Variants in IQCK observed in about 807,000 individuals in gnomAD.
IQCK encodes IQ domain-containing protein K.
A neutral mutation model predicts 28.1 loss-of-function variants in IQCK; 29 were observed. That is an observed-to-expected ratio of 1.03 (90% CI 0.77 to 1.41). The LOEUF is 1.41. Among genes scored for constraint, IQCK ranks in the 40% most tolerant of loss-of-function variants. The probability of loss-of-function intolerance (pLI) is 0.00; values close to 1 mark genes in which losing one functional copy is unlikely to be tolerated. For synonymous variants in IQCK, 113 were observed against 115.1 expected, an observed-to-expected ratio of 0.98 and a Z score of 0.12; for missense variants, 359 against 314.7, an observed-to-expected ratio of 1.14 and a Z score of -1.07.
intron 1 of IQCK, among the ~76,000 whole-genome samples, chr16:19,722,622 A>G (rs551300092): frequency 3.3e-5 from 5 of 152,186 alleles, no homozygotes; most frequent in Non-Finnish European, 7.4e-5. Context: ...ATGCTGGGCC[A>G]GGTATAACTG....
chr16:19,831,537 G>C (rs151012782), downstream of IQCK, among the ~76,000 whole-genome samples: 2 of 152,116 alleles, frequency 1.3e-5, no homozygotes, highest in East Asian at 1.9e-4. Flanking sequence ...ACCTCAATTA[G>C]ACCTCAAAGG....
At chr16:19,846,483 C>A (rs997689305) in intron 9 of IQCK, among the ~76,000 whole-genome samples, 1 of 152,170 alleles carries the variant, frequency 6.6e-6, no homozygotes, top group Non-Finnish European at 1.5e-5. Context: ...TCAATATAAC[C>A]AATGTTGCCA....
intron 4 of IQCK, among the ~76,000 whole-genome samples, chr16:19,756,764 G>A (rs1465783061): frequency 6.6e-6 from 1 of 152,052 alleles, no homozygotes; most frequent in Non-Finnish European, 1.5e-5. Context: ...GGGCGTGGTG[G>A]CATATGCCTG....
At chr16:19,773,171 A>G (rs988352051) in intron 6 of IQCK, among the ~76,000 whole-genome samples, 2 of 152,058 alleles carry the variant, frequency 1.3e-5, no homozygotes, top group African/African-American at 4.8e-5. Context: ...GTGACAGACA[A>G]TGGAGGACTG....
At chr16:19,732,906 T>C (rs1037203631) in intron 2 of IQCK, among the ~76,000 whole-genome samples, 1 of 152,212 alleles carries the variant, frequency 6.6e-6, no homozygotes, top group African/African-American at 2.4e-5. Context: ...CACAGCTTTA[T>C]GATATCGAAG....
intron 7 of IQCK, among the ~76,000 whole-genome samples, chr16:19,820,946 C>T (rs924328601): frequency 7.2e-5 from 11 of 152,172 alleles, no homozygotes; most frequent in East Asian, 1.9e-4. Flanking sequence ...TACAGACAGG[C>T]GACAAGCACA....
chr16:19,749,501 T>C (rs540706983), intron 4 of IQCK, among the ~76,000 whole-genome samples: 4 of 152,312 alleles, frequency 2.6e-5, no homozygotes, highest in South Asian at 2.1e-4. Context: ...GGCTCACATA[T>C]ATAGCCTCAG....
intron 4 of IQCK, among the ~76,000 whole-genome samples, chr16:19,750,668 G>A (rs939975458): frequency 6.6e-6 from 1 of 151,588 alleles, no homozygotes; most frequent in Non-Finnish European, 1.5e-5. Flanking sequence ...CACCATGTTG[G>A]CCAGGCTGGT....
chr16:19,725,804 A>G (rs1597494514), intron 1 of IQCK, among the ~76,000 whole-genome samples: 2 of 152,304 alleles, frequency 1.3e-5, no homozygotes, highest in East Asian at 1.9e-4. Flanking sequence ...GTATTTTCCC[A>G]TACTTCATAC....
chr16:19,776,442 C>A (rs1309410970), intron 6 of IQCK, among the ~76,000 whole-genome samples: 1 of 152,106 alleles, frequency 6.6e-6, no homozygotes, highest in African/African-American at 2.4e-5. Context: ...ACGGTGGCCA[C>A]GCCTAGAATC....
chr16:19,823,139 T>G (rs2056098944), intron 7 of IQCK, among the ~76,000 whole-genome samples: 2 of 152,014 alleles, frequency 1.3e-5, no homozygotes, highest in African/African-American at 4.8e-5. Context: ...GAGCCCAGGC[T>G]TGGGCTCCCT....
chr16:19,763,765 A>C, intron 4 of IQCK, 83 bp from the exon 5 acceptor site: 1 of 1,065,514 alleles, frequency 9.4e-7, no homozygotes, highest in Admixed American at 1.8e-5. Context: ...TATTGAAAAA[A>C]GTCATGTATA....
Position 19,719,057 on chromosome 16 carries a change from C to G in IQCK, c.181+570C>G, listed in dbSNP as rs987856842. ...GCACATCTTCCTTTGTGGCTCTACT[C>G]AGTATTTGTTACTTAGGTTGGGCAA... On this transcript the variant is annotated intron_variant, in intron 1 of 7. Transcript: ENST00000564186. 2.6e-5 allele frequency among the ~76,000 whole-genome samples: 4 copies of G among 152,272 alleles called. No homozygotes were observed. In the South Asian group the frequency reaches 8.3e-4, roughly 32 times the overall value.
At chr16:19,727,599 A>G (rs1597496396) in intron 1 of IQCK, among the ~76,000 whole-genome samples, 1 of 139,636 alleles carries the variant, frequency 7.2e-6, no homozygotes, top group Admixed American at 6.9e-5. Flanking sequence ...CCCCCCCCCA[A>G]AAAAAAAGAT....
At chr16:19,756,479 C>A (rs1395252973) in intron 4 of IQCK, among the ~76,000 whole-genome samples, 2 of 152,182 alleles carry the variant, frequency 1.3e-5, no homozygotes, top group African/African-American at 2.4e-5. Context: ...ATCTTCCCCC[C>A]AGATTCATAT....
chr16:19,844,465 G>A (rs1463427983), intron 9 of IQCK, among the ~76,000 whole-genome samples: 1 of 152,140 alleles, frequency 6.6e-6, no homozygotes, highest in Non-Finnish European at 1.5e-5. Context: ...AGAGTATGGG[G>A]CACATTGGAG....
At chr16:19,756,498 C>T (rs996760886) in intron 4 of IQCK, among the ~76,000 whole-genome samples, 7 of 152,196 alleles carry the variant, frequency 4.6e-5, no homozygotes, top group Non-Finnish European at 7.3e-5. Flanking sequence ...ATGTTAATCT[C>T]ATCTCCAGTG....
chr16:19,756,601 C>T (rs2055055278), intron 4 of IQCK, among the ~76,000 whole-genome samples: 1 of 151,962 alleles, frequency 6.6e-6, no homozygotes, highest in Non-Finnish European at 1.5e-5. Context: ...AAAAGAGGCT[C>T]CATGGCCGGG....
chr16:19,754,979 C>G (rs902935001), intron 4 of IQCK, among the ~76,000 whole-genome samples: 2 of 152,002 alleles, frequency 1.3e-5, no homozygotes, highest in Non-Finnish European at 2.9e-5. Flanking sequence ...TTTTGAACTT[C>G]TTTAGAGAAG....
Sources: allele counts gnomAD v4.1 joint callset (sites outside exome capture counted in the v4.1 genomes callset), GRCh38; gene constraint gnomAD v4.1.1; transcripts MANE v1.5; gene names NCBI Gene and HGNC (gene_info 2026-07-23, HGNC 2026-07-21).